Variants in VAMP7 observed in about 807,000 individuals in gnomAD.
VAMP7 encodes the protein vesicle associated membrane protein 7.
A neutral mutation model predicts 29.6 loss-of-function variants in VAMP7; 14 were observed. The observed-to-expected ratio is 0.47, with a 90% CI of 0.31 to 0.74. The LOEUF (loss-of-function observed/expected upper bound fraction) is 0.74, where lower values mean the gene tolerates loss of function less well. Among genes scored for constraint, VAMP7 ranks in the 30% least tolerant of loss-of-function variants. VAMP7 has a pLI of 0.05. For missense variants in VAMP7, 223 were observed against 262.4 expected, an observed-to-expected ratio of 0.85 and a Z score of 1.04; for synonymous variants, 95 against 88.1, an observed-to-expected ratio of 1.08 and a Z score of -0.44.
At chrX:155,916,278 C>G (rs1474838683) in intron 5 of VAMP7, among the ~76,000 whole-genome samples, 2 of 152,156 alleles carry the variant, frequency 1.3e-5, no homozygotes, top group African/African-American at 4.8e-5. Flanking sequence ...CTCCTGAATG[C>G]AGCACATGGG....
At position 155,902,403 on chromosome X, in the gene VAMP7, A is replaced by T. The variant is rs1202386448; in HGVS notation, c.433+1816A>T. ...TGCCCTGGCCAGAACTTCCAACACT[A>T]TGTTGAATAGGAGTGGTGAGAGAGG... On this transcript the variant is annotated intron_variant, in intron 5 of 7. Coordinates refer to ENST00000286448, the MANE Select transcript of VAMP7 (RefSeq NM_005638.6). 9.3e-5 allele frequency among the ~76,000 whole-genome samples: 14 copies of T among 150,018 alleles called. No individual in the cohort carries two copies. In the East Asian group the frequency reaches 2.8e-3, roughly 30 times the overall value.
rs1188088619 is a variant in VAMP7, at chrX:155,918,523, AC to A, written c.434-1289del. ...TCTGGGCCAGAGTGCACCATTCCTC[AC>A]GGCACGGTCCCTCAAGGCTTCCCTT... is the stretch of plus-strand genomic sequence containing the variant. On this transcript the variant is annotated intron_variant, in intron 5 of 7. Transcript: ENST00000286448. 1.3e-3 allele frequency among the ~76,000 whole-genome samples: 203 copies of A among 152,166 alleles called. 3 individuals are homozygous for A. Among genetic ancestry groups the A allele is most frequent in the African/African-American group, 4.5e-3 (187 of 41,540 alleles).
intron 1 of VAMP7, among the ~76,000 whole-genome samples, chrX:155,884,284 C>T (rs1303066913): frequency 3.3e-5 from 5 of 151,938 alleles, no homozygotes; most frequent in African/African-American, 1.2e-4. Flanking sequence ...TGCGCCACCA[C>T]GCCTGGCTAA....
intron 5 of VAMP7, among the ~76,000 whole-genome samples, chrX:155,909,575 T>C (rs1289170711): frequency 1.3e-5 from 2 of 152,294 alleles, no homozygotes; most frequent in Admixed American, 6.5e-5. Flanking sequence ...AGTTGTTAGG[T>C]TGTTAATTTG....
chrX:155,940,425 G>C (rs1316557778), intron 7 of VAMP7, among the ~76,000 whole-genome samples: 2 of 152,270 alleles, frequency 1.3e-5, no homozygotes, highest in East Asian at 3.9e-4. Context: ...TTATCTAAAA[G>C]AGAAGAGCAG....
chrX:155,913,439 T>C (rs1028863684), intron 5 of VAMP7, among the ~76,000 whole-genome samples: 5 of 152,196 alleles, frequency 3.3e-5, no homozygotes, highest in Non-Finnish European at 7.3e-5. Flanking sequence ...AGTCATGAAA[T>C]CTTTGCCCAT....
At chrX:155,904,516 G>T (rs1481946762) in intron 5 of VAMP7, among the ~76,000 whole-genome samples, 1 of 151,932 alleles carries the variant, frequency 6.6e-6, no homozygotes, top group East Asian at 1.9e-4. Flanking sequence ...TCACAGAATT[G>T]TACAACCATT....
intron 7 of VAMP7, among the ~76,000 whole-genome samples, chrX:155,940,413 AT>A (rs1046349324): frequency 3.3e-5 from 5 of 152,144 alleles, no homozygotes; most frequent in Non-Finnish European, 5.9e-5. Flanking sequence ...AGACAGCTGG[AT>A]TTATCTAAAA....
chrX:155,913,462 A>G, intron 5 of VAMP7, among the ~76,000 whole-genome samples: 1 of 152,238 alleles, frequency 6.6e-6, no homozygotes, highest in East Asian at 1.9e-4. Flanking sequence ...CTATGTCCTG[A>G]ATGGTATTGC....
intron 3 of VAMP7, among the ~76,000 whole-genome samples, chrX:155,897,039 G>A (rs1285056753): frequency 1.3e-5 from 2 of 151,840 alleles, no homozygotes; most frequent in Non-Finnish European, 2.9e-5. Context: ...ACAAGATCTA[G>A]TCATAGGTCT....
chrX:155,900,428 C>A, intron 4 of VAMP7, 69 bp from the exon 5 acceptor site: 1 of 1,187,632 alleles, frequency 8.4e-7, no homozygotes. Context: ...AATTGTCATT[C>A]CCCTTATTTT....
intron 6 of VAMP7, among the ~76,000 whole-genome samples, chrX:155,925,210 C>T (rs2066451316): frequency 6.6e-6 from 1 of 152,140 alleles, no homozygotes. Flanking sequence ...TATATTTTGA[C>T]TTCCTCCCAC....
intron 1 of VAMP7, among the ~76,000 whole-genome samples, chrX:155,887,152 C>T (rs2065874865): frequency 6.6e-6 from 1 of 152,126 alleles, no homozygotes; most frequent in African/African-American, 2.4e-5. Context: ...CCATTTGGTC[C>T]TCCTCAGTCT....
intron 5 of VAMP7, among the ~76,000 whole-genome samples, chrX:155,912,605 G>T (rs917728397): frequency 2.6e-5 from 4 of 151,710 alleles, no homozygotes; most frequent in African/African-American, 9.7e-5. Flanking sequence ...GTGAGAACAC[G>T]TGGTGTTTGG....
At chrX:155,887,477 G>C (rs1215700299) in intron 1 of VAMP7, among the ~76,000 whole-genome samples, 1 of 152,130 alleles carries the variant, frequency 6.6e-6, no homozygotes, top group Non-Finnish European at 1.5e-5. Flanking sequence ...AGTAAGGTAA[G>C]AATAGAGAAG....
intron 5 of VAMP7, among the ~76,000 whole-genome samples, chrX:155,903,852 C>T (rs1019690890): frequency 6.6e-6 from 1 of 152,158 alleles, no homozygotes; most frequent in African/African-American, 2.4e-5. Flanking sequence ...CATCCCATTA[C>T]TGGGTATATA....
intron 5 of VAMP7, among the ~76,000 whole-genome samples, chrX:155,918,004 C>G (rs753619863): frequency 7.9e-5 from 12 of 152,246 alleles, no homozygotes; most frequent in African/African-American, 2.6e-4. Context: ...AGATGCGCTG[C>G]CCAGAGAGGA....
At chrX:155,936,263 C>A (rs1480118460) in intron 6 of VAMP7, among the ~76,000 whole-genome samples, 1 of 152,180 alleles carries the variant, frequency 6.6e-6, no homozygotes, top group African/African-American at 2.4e-5. Context: ...GAGGTTTCTG[C>A]TGCCTTTTGT....
At position 155,932,300 on chromosome X, in the gene VAMP7, G is replaced by GTA. The variant is rs1393821717; in HGVS notation, c.502-7399_502-7398dup. 6.6e-5 allele frequency among the ~76,000 whole-genome samples: 10 copies of GTA among 152,172 alleles called. 1 individual carries two copies. Among genetic ancestry groups the GTA allele is most frequent in the Admixed American group, 3.9e-4 (6 of 15,274 alleles). ...TTGAATCTATAAATTACCTTGGGCA[G>GTA]TATGGCCATTTTCATGATATTGATT... On this transcript the variant is annotated intron_variant, in intron 6 of 7. Coordinates refer to ENST00000286448, the MANE Select transcript of VAMP7 (RefSeq NM_005638.6).
Sources: allele counts gnomAD v4.1 joint callset (sites outside exome capture counted in the v4.1 genomes callset), GRCh38; gene constraint gnomAD v4.1.1; transcripts MANE v1.5; gene names NCBI Gene and HGNC (gene_info 2026-07-23, HGNC 2026-07-21).